Variants in MTNAP1 observed in about 807,000 individuals in gnomAD.
MTNAP1 encodes the protein mitochondrial nucleoid-associated protein 1.
the MTNAP1 span, chr17:73,248,470 G>T: frequency 1.7e-4 from 270 of 1,550,666 alleles, no homozygotes; most frequent in Non-Finnish European, 2.3e-4. Context: ...GCATTGGAGT[G>T]CCCCGCTAGG....
the MTNAP1 span, chr17:73,235,480 A>C: frequency 1.3e-6 from 2 of 1,599,284 alleles, no homozygotes; most frequent in Non-Finnish European, 1.7e-6. Flanking sequence ...TTTCAGGAAT[A>C]GGATGAGTGA....
At chr17:73,248,777 GAAT>G in the MTNAP1 span, 1 of 456,878 alleles carries the variant, frequency 2.2e-6, no homozygotes, top group Non-Finnish European at 3.9e-6. Flanking sequence ...GTTTAATCCT[GAAT>G]AATATCTGAA....
At chr17:73,233,608 A>G in the MTNAP1 span, among the ~76,000 whole-genome samples, 1 of 152,250 alleles carries the variant, frequency 6.6e-6, no homozygotes, top group African/African-American at 2.4e-5. Flanking sequence ...TCACGCCTGT[A>G]GTCCCAGCAC....
chr17:73,248,588 TC>T, the MTNAP1 span: 1 of 1,529,250 alleles, frequency 6.5e-7, no homozygotes, highest in Non-Finnish European at 8.9e-7. Context: ...TAATCCATAT[TC>T]ACCTTCCCAT....
the MTNAP1 span, chr17:73,247,109 C>G: frequency 8.9e-5 from 68 of 766,634 alleles, no homozygotes; most frequent in Non-Finnish European, 4.2e-6. Context: ...TCAAAATGTA[C>G]AAAAACAAGC....
At chr17:73,245,625 A>C in the MTNAP1 span, 1 of 985,416 alleles carries the variant, frequency 1.0e-6, no homozygotes, top group Non-Finnish European at 1.2e-6. Context: ...GCAGAAAATA[A>C]GCCCACATCA....
At chr17:73,244,005 A>C in the MTNAP1 span, among the ~76,000 whole-genome samples, 12 of 152,204 alleles carry the variant, frequency 7.9e-5, no homozygotes, top group Non-Finnish European at 1.0e-4. Context: ...GTCACTTACC[A>C]ATGTGTCTAA....
At chr17:73,235,319 A>G in the MTNAP1 span, among the ~76,000 whole-genome samples, 1 of 152,200 alleles carries the variant, frequency 6.6e-6, no homozygotes, top group Admixed American at 6.5e-5. Context: ...TTTTTAAACA[A>G]TTTTTTATAC....
the MTNAP1 span, chr17:73,236,567 C>G: frequency 6.2e-7 from 1 of 1,614,188 alleles, no homozygotes; most frequent in Middle Eastern, 1.6e-4. Flanking sequence ...AGGGAGACGA[C>G]TTACCAGTTT....
the MTNAP1 span, chr17:73,245,301 G>A: frequency 2.1e-6 from 3 of 1,441,214 alleles, no homozygotes; most frequent in East Asian, 2.6e-5. Flanking sequence ...GACAGGGAGA[G>A]GGGAGTGAAA....
At chr17:73,247,396 C>T in the MTNAP1 span, 1 of 1,567,894 alleles carries the variant, frequency 6.4e-7, no homozygotes, top group Non-Finnish European at 8.8e-7. Flanking sequence ...GCCTTCGTGC[C>T]CTGTGTTGCC....
At chr17:73,233,806 G>A in the MTNAP1 span, among the ~76,000 whole-genome samples, 1 of 152,116 alleles carries the variant, frequency 6.6e-6, no homozygotes, top group Non-Finnish European at 1.5e-5. Flanking sequence ...CTGGGAGGCT[G>A]AGGTTGCTGT....
chr17:73,232,444 T>TCCC, the MTNAP1 span: 2 of 979,366 alleles, frequency 2.0e-6, no homozygotes, highest in Non-Finnish European at 2.9e-6. Flanking sequence ...AGAAAGGACC[T>TCCC]CCCCTGGGGT....
chr17:73,243,075 GAATTTTT>G, the MTNAP1 span: 5 of 1,015,080 alleles, frequency 4.9e-6, 1 homozygote, highest in Non-Finnish European at 7.1e-6. Context: ...GGGATTCTCT[GAATTTTT>G]TTTTTTTTTT....
the MTNAP1 span, chr17:73,242,183 A>T: frequency 8.9e-7 from 1 of 1,124,270 alleles, no homozygotes; most frequent in Non-Finnish European, 1.3e-6. Context: ...TCGGCACTGG[A>T]TGTTAGGGAA....
the MTNAP1 span, among the ~76,000 whole-genome samples, chr17:73,238,184 A>G: frequency 6.6e-6 from 1 of 152,330 alleles, no homozygotes; most frequent in South Asian, 2.1e-4. Flanking sequence ...TTCTCTGCTG[A>G]ATCTCATCTT....
chr17:73,241,467 C>T, the MTNAP1 span, among the ~76,000 whole-genome samples: 2 of 152,152 alleles, frequency 1.3e-5, no homozygotes, highest in Non-Finnish European at 1.5e-5. Context: ...CTGCATAAGC[C>T]CTCTTTTCTG....
chr17:73,237,833 G>A, the MTNAP1 span, among the ~76,000 whole-genome samples: 4 of 152,136 alleles, frequency 2.6e-5, no homozygotes, highest in Non-Finnish European at 5.9e-5. Flanking sequence ...CAGGTAAGAC[G>A]GGCAGGCAAG....
the MTNAP1 span, chr17:73,248,140 A>AT: frequency 4.0e-6 from 1 of 249,006 alleles, no homozygotes; most frequent in Non-Finnish European, 7.8e-6. Context: ...GTGAGGATAC[A>AT]TTTTTCGCTC....
Sources: allele counts gnomAD v4.1 joint callset (sites outside exome capture counted in the v4.1 genomes callset), GRCh38; gene constraint gnomAD v4.1.1; transcripts MANE v1.5; gene names NCBI Gene and HGNC (gene_info 2026-07-23, HGNC 2026-07-21).